The following AFF3 variants were observed in gnomAD, a reference collection of about 807,000 sequenced individuals.
AFF3 encodes the protein ALF transcription elongation factor 3.
In AFF3, 32 loss-of-function variants were observed where a neutral mutation model predicts 129.7. The ratio of observed to expected loss-of-function variants is 0.25; its 90% CI spans 0.19 to 0.33. The LOEUF (loss-of-function observed/expected upper bound fraction) is 0.33, where lower values mean the gene tolerates loss of function less well. Among genes scored for constraint, AFF3 ranks in the 10% least tolerant of loss-of-function variants. The probability of loss-of-function intolerance (pLI) is 1.00; values close to 1 mark genes in which losing one functional copy is unlikely to be tolerated. For synonymous variants in AFF3, 644 were observed against 635.4 expected, an observed-to-expected ratio of 1.01 and a Z score of -0.20; for missense variants, 1,373 against 1,592.0, an observed-to-expected ratio of 0.86 and a Z score of 2.34.
chr2:99,557,683 G>C (rs1215585970), intron 22 of AFF3, among the ~76,000 whole-genome samples: 1 of 152,120 alleles, frequency 6.6e-6, no homozygotes, highest in Non-Finnish European at 1.5e-5. Flanking sequence ...GCTGGTTCTT[G>C]TCCTGAAGAC....
intron 7 of AFF3, among the ~76,000 whole-genome samples, chr2:99,928,552 C>T (rs1015361310): frequency 1.3e-5 from 2 of 152,164 alleles, no homozygotes; most frequent in Non-Finnish European, 2.9e-5. Context: ...TCAGATGGAG[C>T]TTGAAAGCTG....
At chr2:99,592,759 C>A (rs972825076) in intron 15 of AFF3, among the ~76,000 whole-genome samples, 1 of 151,904 alleles carries the variant, frequency 6.6e-6, no homozygotes, top group African/African-American at 2.4e-5. Flanking sequence ...CATGGTGAAA[C>A]CCTGTCTTTA....
At chr2:99,757,227 A>C (rs558103362) in intron 8 of AFF3, among the ~76,000 whole-genome samples, 61 of 152,282 alleles carry the variant, frequency 4.0e-4, no homozygotes, top group African/African-American at 1.4e-3. Flanking sequence ...AAGCACATCC[A>C]GGTCTAACGT....
At position 99,968,126 on chromosome 2, in the gene AFF3, A is replaced by G. The variant is rs1677973769; in HGVS notation, c.873+38506T>C. Among the ~76,000 whole-genome samples the G allele has an allele frequency of 2.0e-5, 3 of 151,996 alleles. No homozygotes were observed. The South Asian group carries it at 6.2e-4, about 32-fold the overall frequency. ...TTCCCTCATCCTCCTCTCAAGGCCC[A>G]CTCAGCTGAGAAGCCCCTTCCCAGC... On this transcript the variant is annotated intron_variant, in intron 7 of 24. Coordinates refer to ENST00000672756, the MANE Select transcript of AFF3 (RefSeq NM_001386135.1).
chr2:100,000,798 G>A (rs1006277374), intron 7 of AFF3, among the ~76,000 whole-genome samples: 10 of 152,260 alleles, frequency 6.6e-5, no homozygotes, highest in South Asian at 2.1e-4. Context: ...CCCGTCACAC[G>A]GCTGACAGGT....
chr2:99,702,148 C>T lies in AFF3; in HGVS notation c.1091+24929G>A, dbSNP rs145863107. Among the ~76,000 whole-genome samples, 13 of 152,258 alleles carry T rather than the reference C, an allele frequency of 8.5e-5. No individual in the cohort carries two copies. The East Asian group carries it at 1.7e-3, about 20-fold the overall frequency. On this transcript the variant is annotated intron_variant, in intron 11 of 24. Transcript: ENST00000672756. ...TGGGATATATGCCCAAGAGTGCAAC[C>T]GCTGGGTCCATTTTCAGCTATAAAA... is the stretch of plus-strand genomic sequence containing the variant.
At chr2:99,757,862 C>T (rs1682250892) in intron 8 of AFF3, among the ~76,000 whole-genome samples, 2 of 152,328 alleles carry the variant, frequency 1.3e-5, no homozygotes, top group East Asian at 1.9e-4. Context: ...ACCAAGCCAC[C>T]GTTGACTCAA....
At chr2:100,135,271 T>C (rs1333323288) in intron 1 of AFF3, among the ~76,000 whole-genome samples, 1 of 152,188 alleles carries the variant, frequency 6.6e-6, no homozygotes, top group Middle Eastern at 3.2e-3. Flanking sequence ...TGTGACATTG[T>C]CACGCCTCCC....
At position 99,787,301 on chromosome 2, in the gene AFF3, T is replaced by C. The variant is rs112877189; in HGVS notation, c.922-35000A>G. Among the ~76,000 whole-genome samples the C allele has an allele frequency of 1.6e-3, 251 of 152,138 alleles. 1 individual carries two copies. The highest frequency in any genetic ancestry group is 5.2e-3 in the African/African-American group (214 of 41,502). ...GGCCAGTGACTGCCAGGCTGGGGCA[T>C]AGACGGGAGAAAACAAGCAGAAATG... On this transcript the variant is annotated intron_variant, in intron 8 of 24. Transcript: ENST00000672756.
intron 13 of AFF3, among the ~76,000 whole-genome samples, chr2:99,611,010 C>G (rs868631915): frequency 6.6e-6 from 1 of 152,240 alleles, no homozygotes; most frequent in Middle Eastern, 3.4e-3. Context: ...CTCTGTTGTT[C>G]CTATCAGGCA....
intron 7 of AFF3, among the ~76,000 whole-genome samples, chr2:99,946,126 C>T (rs1675535358): frequency 6.6e-6 from 1 of 152,020 alleles, no homozygotes; most frequent in Non-Finnish European, 1.5e-5. Flanking sequence ...CAACCCTTAC[C>T]CCAAAGAGGC....
At chr2:99,663,122 T>C (rs1181660345) in intron 12 of AFF3, among the ~76,000 whole-genome samples, 1 of 152,264 alleles carries the variant, frequency 6.6e-6, no homozygotes, top group African/African-American at 2.4e-5. Flanking sequence ...GTACTGTCAA[T>C]GCTTTCAGAC....
intron 8 of AFF3, among the ~76,000 whole-genome samples, chr2:99,776,962 T>G (rs1272795856): frequency 6.6e-6 from 1 of 152,132 alleles, no homozygotes; most frequent in East Asian, 1.9e-4. Flanking sequence ...CACAGAAAAT[T>G]GGAAGCATGG....
chr2:99,565,935 C>T (rs533799784), intron 19 of AFF3, among the ~76,000 whole-genome samples: 23 of 152,254 alleles, frequency 1.5e-4, no homozygotes, highest in African/African-American at 4.6e-4. Flanking sequence ...AATGGTTTGG[C>T]GACTTCATTC....
chr2:100,006,378 C>T (rs913438565), intron 7 of AFF3: 2 of 385,208 alleles, frequency 5.2e-6, no homozygotes, highest in African/African-American at 2.0e-5. Flanking sequence ...GTGAAGGGGA[C>T]ATTCCTTCCC....
chr2:99,889,471 C>T (rs1358090351), intron 7 of AFF3, among the ~76,000 whole-genome samples: 2 of 152,222 alleles, frequency 1.3e-5, no homozygotes, highest in East Asian at 3.8e-4. Context: ...CATGTGTTCT[C>T]ACTATGACAG....
At chr2:99,896,672 G>A (rs1387641990) in intron 7 of AFF3, among the ~76,000 whole-genome samples, 1 of 104,944 alleles carries the variant, frequency 9.5e-6, no homozygotes, top group Non-Finnish European at 1.7e-5. Context: ...GTCTCACTCT[G>A]TCACCCAGGC....
intron 18 of AFF3, among the ~76,000 whole-genome samples, chr2:99,574,471 C>G: frequency 6.6e-6 from 1 of 152,018 alleles, no homozygotes; most frequent in Non-Finnish European, 1.5e-5. Context: ...TGGTAAGTAA[C>G]CTAGGAAAAC....
At chr2:100,121,144 C>T (rs1691948289) in intron 2 of AFF3, among the ~76,000 whole-genome samples, 1 of 152,164 alleles carries the variant, frequency 6.6e-6, no homozygotes, top group South Asian at 2.1e-4. Flanking sequence ...ATACCACAGC[C>T]CAAAGTGAGA....
Sources: gnomAD v4.1 joint callset for allele counts (sites outside exome capture counted in the v4.1 genomes callset) on GRCh38, gnomAD v4.1.1 for gene constraint, MANE v1.5 for transcripts, NCBI Gene and HGNC (gene_info 2026-07-23, HGNC 2026-07-21) for gene names.